CAMSAP2: variants seen among roughly 807,000 people sequenced by gnomAD.
The protein encoded by CAMSAP2 is calmodulin regulated spectrin associated protein family member 2.
In CAMSAP2, 26 loss-of-function variants were observed where a neutral mutation model predicts 146.1. The observed-to-expected ratio is 0.18, with a 90% CI of 0.13 to 0.25. The LOEUF is 0.25. Ranked by LOEUF, CAMSAP2 falls within the 10% of genes least tolerant of loss-of-function variation. CAMSAP2 has a pLI of 1.00. For missense variants in CAMSAP2, 1,381 were observed against 1,759.3 expected (o/e 0.78, Z 3.85); for synonymous variants, 499 against 596.6 (o/e 0.84, Z 2.38).
intron 2 of CAMSAP2, among the ~76,000 whole-genome samples, chr1:200,775,729 C>T (rs1409476973): frequency 6.6e-6 from 1 of 152,066 alleles, no homozygotes. Context: ...GAGGTTTCAC[C>T]ATGTTGACCC....
intron 10 of CAMSAP2, 112 bp downstream of exon 10, chr1:200,847,821 A>G: frequency 7.5e-6 from 8 of 1,063,546 alleles, no homozygotes; most frequent in Non-Finnish European, 1.1e-5. Flanking sequence ...TTAGTTCCTA[A>G]ATTTGAAAAA....
In CAMSAP2 at chr1:200,849,419, A is replaced by G; in HGVS notation, c.2650A>G (p.Ile884Val). ...AGAGATTTTAGAATATACCAAATCC[A>G]TTGAAAAGTTAAATTCATCCCTGCA... is the stretch of plus-strand genomic sequence containing the variant. ...EGEILEYTKS[I>V]EKLNSSLHFL... Residue 884 changes from isoleucine to valine, a missense_variant, in exon 11 of 17, where the codon ATT (isoleucine) becomes GTT (valine). By Grantham distance (29) the Ile-to-Val change is conservative. This residue lies in a region of CAMSAP2 where 560 missense variants were observed against 715.9 expected (regional missense o/e 0.78). Transcript: ENST00000358823. This position sits in a 1 kb window ranked among gnomAD's most constrained non-coding sequence, Gnocchi z 6.3. 3.1e-6 allele frequency: 5 copies of G among 1,614,236 alleles called. No individual in the cohort carries two copies. The highest frequency in any genetic ancestry group is 4.2e-6 in the Non-Finnish European group (5 of 1,180,032).
intron 4 of CAMSAP2, among the ~76,000 whole-genome samples, chr1:200,817,302 T>C (rs1571794183): frequency 6.8e-6 from 1 of 147,006 alleles, no homozygotes; most frequent in Non-Finnish European, 1.5e-5. Context: ...TTCCAAAATG[T>C]ACAGTATGGT....
chr1:200,745,502 T>A (rs1487899719), intron 1 of CAMSAP2, among the ~76,000 whole-genome samples: 1 of 152,210 alleles, frequency 6.6e-6, no homozygotes, highest in Non-Finnish European at 1.5e-5. Flanking sequence ...TCACCCTTTT[T>A]AAAATAAACA....
At chr1:200,775,272 AAAG>A (rs1665239878) in intron 2 of CAMSAP2, among the ~76,000 whole-genome samples, 2 of 152,204 alleles carry the variant, frequency 1.3e-5, no homozygotes, top group African/African-American at 2.4e-5. Flanking sequence ...TCAGGAACTG[AAAG>A]AAGGCCACTG....
chr1:200,769,832 G>C (rs1665064737), intron 2 of CAMSAP2, among the ~76,000 whole-genome samples: 1 of 152,110 alleles, frequency 6.6e-6, no homozygotes, highest in Non-Finnish European at 1.5e-5. Flanking sequence ...CCTTTTCCCA[G>C]GGTATAGGGT....
In CAMSAP2 at chr1:200,858,161, T is replaced by G; in HGVS notation, c.*102T>G. On this transcript the variant is annotated 3_prime_UTR_variant, in exon 17 of 17. Coordinates refer to ENST00000358823, the MANE Select transcript of CAMSAP2 (RefSeq NM_203459.4). ...AATTGCCAACAAGACTTTTATTAATTAAAACTGGACATTAAGCTCTGTTGT... is the reference window on the plus strand; with the variant it reads ...AATTGCCAACAAGACTTTTATTAATGAAAACTGGACATTAAGCTCTGTTGT... The G allele has an allele frequency of 9.7e-7, 1 of 1,034,434 alleles. No individual in the cohort carries two copies. The highest frequency in any genetic ancestry group is 1.4e-6 in the Non-Finnish European group (1 of 712,840). 64.1% of individuals were successfully genotyped at this position (1,034,434 alleles called of 1,614,324 possible). A position where few individuals can be genotyped will look rare whatever the true frequency, so the allele number is the denominator to read the frequency against.
At chr1:200,822,752 C>T (rs926063349) in intron 4 of CAMSAP2, among the ~76,000 whole-genome samples, 1 of 152,202 alleles carries the variant, frequency 6.6e-6, no homozygotes, top group Non-Finnish European at 1.5e-5. Context: ...TTTTCCTATA[C>T]AGCAATGGGC....
chr1:200,807,220 C>T (rs1420381015), intron 2 of CAMSAP2, among the ~76,000 whole-genome samples, 156 bp from the exon 3 acceptor site: 1 of 152,174 alleles, frequency 6.6e-6, no homozygotes, highest in East Asian at 1.9e-4. Context: ...TCAGTTAGCT[C>T]ATCTTTAGCA....
intron 2 of CAMSAP2, among the ~76,000 whole-genome samples, chr1:200,778,884 G>C (rs1665355819): frequency 6.6e-6 from 1 of 152,100 alleles, no homozygotes. Flanking sequence ...TGCAAGAGCA[G>C]ATAAAATCCA....
Position 200,805,943 on chromosome 1 carries a change from C to T in CAMSAP2, c.400-1433C>T, listed in dbSNP as rs76267371. Among the ~76,000 whole-genome samples, 1,230 of 152,256 alleles carry T rather than the reference C, an allele frequency of 8.1e-3. 11 individuals carry two copies. The highest frequency in any genetic ancestry group is 0.031 in the Middle Eastern group (9 of 292). ...GATGCAATCTCCGATTTGGAAAAAACAGCCGCTAGTTTATAACATTGTCAA... is the reference window on the plus strand; with the variant it reads ...GATGCAATCTCCGATTTGGAAAAAATAGCCGCTAGTTTATAACATTGTCAA... On this transcript the variant is annotated intron_variant, in intron 2 of 16. Coordinates refer to ENST00000358823, the MANE Select transcript of CAMSAP2 (RefSeq NM_203459.4).
chr1:200,757,619 A>G (rs1030882159), intron 1 of CAMSAP2, among the ~76,000 whole-genome samples: 2 of 152,012 alleles, frequency 1.3e-5, no homozygotes, highest in Admixed American at 6.6e-5. Flanking sequence ...ATGTGGTACA[A>G]TTCCAAACTT....
intron 2 of CAMSAP2, among the ~76,000 whole-genome samples, chr1:200,795,406 A>G (rs1277072491): frequency 6.6e-6 from 1 of 152,108 alleles, no homozygotes; most frequent in Non-Finnish European, 1.5e-5. Context: ...GGAATTTATG[A>G]TCTTTTTGAT....
At chr1:200,819,924 T>C (rs1666703650) in intron 4 of CAMSAP2, among the ~76,000 whole-genome samples, 1 of 152,144 alleles carries the variant, frequency 6.6e-6, no homozygotes, top group Admixed American at 6.5e-5. Context: ...GTAGTGACAC[T>C]AAGTCACAAG....
chr1:200,856,244 C>G, intron 15 of CAMSAP2, 119 bp downstream of exon 15: 7 of 654,514 alleles, frequency 1.1e-5, no homozygotes, highest in Non-Finnish European at 1.9e-5. Flanking sequence ...AACTAATAAA[C>G]AGTGAATGCA....
In CAMSAP2 at chr1:200,739,097, A is replaced by G. The variant is rs981125881; in HGVS notation, c.-731A>G. ...CCTTCGCCGTCAGCAAGGGAGGAAG[A>G]CCCGGGAGACGGCAGCGGCGACGGC... On this transcript the variant is annotated 5_prime_UTR_variant, in exon 1 of 17. Transcript: ENST00000358823. The surrounding 1 kb of genome is among the most constrained non-coding windows in gnomAD (Gnocchi z 4.8). Among the ~76,000 whole-genome samples, 1 of 151,666 alleles carries G rather than the reference A, an allele frequency of 6.6e-6. No homozygotes were observed. Among genetic ancestry groups the G allele is most frequent in the Non-Finnish European group, 1.5e-5 (1 of 67,916 alleles).
intron 4 of CAMSAP2, among the ~76,000 whole-genome samples, chr1:200,817,271 T>C (rs1304838728): frequency 2.3e-5 from 3 of 131,014 alleles, no homozygotes; most frequent in African/African-American, 8.4e-5. Context: ...TATACACACA[T>C]ATATATATAT....
At chr1:200,744,402 A>G (rs1290903745) in intron 1 of CAMSAP2, among the ~76,000 whole-genome samples, 1 of 152,226 alleles carries the variant, frequency 6.6e-6, no homozygotes, top group Non-Finnish European at 1.5e-5. Context: ...GGTGACTGAC[A>G]GGCTGAATTG....
chr1:200,787,459 A>G (rs1464000966), intron 2 of CAMSAP2, among the ~76,000 whole-genome samples: 2 of 152,204 alleles, frequency 1.3e-5, no homozygotes, highest in Non-Finnish European at 2.9e-5. Flanking sequence ...TATAATTAGA[A>G]GTGAAGCCCG....
Sources: allele counts gnomAD v4.1 joint callset (sites outside exome capture counted in the v4.1 genomes callset), GRCh38; gene constraint gnomAD v4.1.1; regional missense constraint gnomAD v4.1.1; non-coding constraint Gnocchi (gnomAD v3.1); transcripts MANE v1.5; gene names NCBI Gene and HGNC (gene_info 2026-07-23, HGNC 2026-07-21).